THSD7B: variants seen among roughly 807,000 people sequenced by gnomAD.
THSD7B encodes the protein thrombospondin type 1 domain containing 7B.
A neutral mutation model predicts 213.6 loss-of-function variants in THSD7B; 138 were observed. The ratio of observed to expected loss-of-function variants is 0.65; its 90% CI spans 0.56 to 0.74. The LOEUF (loss-of-function observed/expected upper bound fraction) is 0.74, where lower values mean the gene tolerates loss of function less well. Ranked by LOEUF, THSD7B falls within the 30% of genes least tolerant of loss-of-function variation. The pLI is 0.00. For synonymous variants in THSD7B, 742 were observed against 687.0 expected, an observed-to-expected ratio of 1.08 and a Z score of -1.25; for missense variants, 1,931 against 1,991.5, an observed-to-expected ratio of 0.97 and a Z score of 0.58.
chr2:137,219,341 C>A (rs780417155), intron 7 of THSD7B, among the ~76,000 whole-genome samples: 4 of 152,002 alleles, frequency 2.6e-5, no homozygotes, highest in Non-Finnish European at 5.9e-5. Flanking sequence ...ATTTGTTTTC[C>A]CAAGTACAAG....
chr2:137,196,172 C>A (rs907563020), intron 7 of THSD7B, among the ~76,000 whole-genome samples: 8 of 152,150 alleles, frequency 5.3e-5, no homozygotes, highest in Non-Finnish European at 8.8e-5. Context: ...AGAGAGACTT[C>A]TAACCCAAAA....
intron 12 of THSD7B, among the ~76,000 whole-genome samples, chr2:137,312,279 C>G (rs1001068208): frequency 4.7e-4 from 72 of 152,088 alleles, no homozygotes; most frequent in African/African-American, 1.7e-3. Flanking sequence ...TCTAGATTTT[C>G]TAGTTTATTT....
chr2:137,059,280 T>G (rs1309891509), intron 3 of THSD7B, among the ~76,000 whole-genome samples: 1 of 152,122 alleles, frequency 6.6e-6, no homozygotes, highest in Non-Finnish European at 1.5e-5. Context: ...ATATTCAAAA[T>G]GGAGGTTAGA....
At chr2:137,333,162 A>C (rs1230976919) in intron 12 of THSD7B, among the ~76,000 whole-genome samples, 1 of 152,172 alleles carries the variant, frequency 6.6e-6, no homozygotes, top group Non-Finnish European at 1.5e-5. Context: ...CTAAGAGTTT[A>C]GAACTAATCC....
chr2:137,015,795 C>T (rs543316657), intron 2 of THSD7B, among the ~76,000 whole-genome samples: 3 of 152,242 alleles, frequency 2.0e-5, no homozygotes, highest in Middle Eastern at 3.4e-3. Context: ...GTTTTGTAAA[C>T]ATCAGCCACT....
At chr2:137,178,874 G>C (rs987497759) in intron 7 of THSD7B, among the ~76,000 whole-genome samples, 1 of 152,180 alleles carries the variant, frequency 6.6e-6, no homozygotes, top group Non-Finnish European at 1.5e-5. Context: ...TTAGAAAGGG[G>C]CCTAAATAAA....
intron 1 of THSD7B, among the ~76,000 whole-genome samples, chr2:136,828,937 C>T (rs1682702955): frequency 6.6e-6 from 1 of 152,132 alleles, no homozygotes; most frequent in Non-Finnish European, 1.5e-5. Context: ...TGTTTTTGCA[C>T]CTGACACAGA....
intron 2 of THSD7B, among the ~76,000 whole-genome samples, chr2:136,891,699 A>G (rs1445595140): frequency 6.6e-6 from 1 of 152,174 alleles, no homozygotes; most frequent in Non-Finnish European, 1.5e-5. Flanking sequence ...AGGCATTTCC[A>G]TGTTCTAGTT....
At chr2:137,196,797 G>T (rs575257600) in intron 7 of THSD7B, among the ~76,000 whole-genome samples, 39 of 152,192 alleles carry the variant, frequency 2.6e-4, no homozygotes, top group African/African-American at 9.1e-4. Flanking sequence ...CTGTCACGAA[G>T]ATATCTCATT....
intron 2 of THSD7B, among the ~76,000 whole-genome samples, chr2:136,988,607 C>G (rs1685709661): frequency 6.6e-6 from 1 of 152,152 alleles, no homozygotes; most frequent in African/African-American, 2.4e-5. Flanking sequence ...AGAACTTTGT[C>G]CTCACCCTCT....
chr2:137,000,007 G>A (rs529785138), intron 2 of THSD7B, among the ~76,000 whole-genome samples: 1 of 152,214 alleles, frequency 6.6e-6, no homozygotes, highest in East Asian at 1.9e-4. Flanking sequence ...TCTACCTTAA[G>A]ACAAATTAAC....
intron 2 of THSD7B, among the ~76,000 whole-genome samples, chr2:137,029,006 A>G (rs1156745009): frequency 5.3e-5 from 8 of 152,012 alleles, no homozygotes; most frequent in African/African-American, 4.8e-5. Context: ...TAAAATATAT[A>G]AAATATGCAT....
intron 1 of THSD7B, among the ~76,000 whole-genome samples, chr2:136,774,780 T>C (rs528533840): frequency 1.6e-4 from 25 of 152,264 alleles, no homozygotes; most frequent in Middle Eastern, 3.4e-3. Context: ...ATTAGATGTT[T>C]CCGTTGGATT....
At chr2:137,543,612 A>G (rs1680647601) in intron 15 of THSD7B, among the ~76,000 whole-genome samples, 1 of 151,904 alleles carries the variant, frequency 6.6e-6, no homozygotes, top group Admixed American at 6.6e-5. Context: ...GAAAAGAGAT[A>G]AATTGGACCT....
At chr2:136,843,777 A>T (rs887876724) in intron 1 of THSD7B, among the ~76,000 whole-genome samples, 5 of 152,170 alleles carry the variant, frequency 3.3e-5, no homozygotes, top group Non-Finnish European at 7.3e-5. Flanking sequence ...AAGGGTCCCA[A>T]ATATAGTGCC....
At chr2:137,270,435 C>T (rs1682706046) in intron 10 of THSD7B, among the ~76,000 whole-genome samples, 1 of 152,112 alleles carries the variant, frequency 6.6e-6, no homozygotes, top group African/African-American at 2.4e-5. Context: ...AGGTGTTGGT[C>T]TCTCCTCCTT....
At chr2:136,789,957 C>A (rs2104912971) in intron 1 of THSD7B, among the ~76,000 whole-genome samples, 1 of 152,178 alleles carries the variant, frequency 6.6e-6, no homozygotes, top group East Asian at 1.9e-4. Context: ...CCTCTGTAGA[C>A]AGATTTTGTC....
chr2:136,808,558 G>A (rs2104928261), intron 1 of THSD7B, among the ~76,000 whole-genome samples: 1 of 152,262 alleles, frequency 6.6e-6, no homozygotes, highest in Admixed American at 6.5e-5. Flanking sequence ...GCAGATTTTT[G>A]TGGGACATAT....
intron 3 of THSD7B, among the ~76,000 whole-genome samples, chr2:137,090,487 T>TATGTAACTCAAGCAGCG (rs1480630526): frequency 6.6e-6 from 1 of 152,178 alleles, no homozygotes; most frequent in Non-Finnish European, 1.5e-5. Context: ...TTATAAGAGC[T>TATGTAACTCAAGCAGCG]TCTGCCCATA....
Sources: gnomAD v4.1 joint callset for allele counts (sites outside exome capture counted in the v4.1 genomes callset) on GRCh38, gnomAD v4.1.1 for gene constraint, MANE v1.5 for transcripts, NCBI Gene and HGNC (gene_info 2026-07-23, HGNC 2026-07-21) for gene names.